The following TDG variants were observed in gnomAD, a reference collection of about 807,000 sequenced individuals.
TDG encodes thymine DNA glycosylase, also known as G/T mismatch-specific thymine DNA glycosylase.
TDG carries 23 observed loss-of-function variants against 46.1 expected under a neutral mutation model. The ratio of observed to expected loss-of-function variants is 0.50; its 90% confidence interval spans 0.36 to 0.71. The LOEUF (loss-of-function observed/expected upper bound fraction) is 0.71, where lower values mean the gene tolerates loss of function less well. TDG is among the 30% of genes least tolerant of loss of function. The probability of loss-of-function intolerance (pLI) is 0.00; values close to 1 mark genes in which losing one functional copy is unlikely to be tolerated. For missense variants in TDG, 304 were observed against 486.7 expected, an observed-to-expected ratio of 0.62 and a Z score of 3.53; for synonymous variants, 115 against 161.3, an observed-to-expected ratio of 0.71 and a Z score of 2.18.
intron 1 of TDG, among the ~76,000 whole-genome samples, chr12:103,969,622 A>G (rs1871205138): frequency 6.6e-6 from 1 of 152,246 alleles, no homozygotes; most frequent in Non-Finnish European, 1.5e-5. Context: ...ATGGTGAATC[A>G]TCTTTTACAA....
In TDG at chr12:103,982,799, G is replaced by A. The variant is rs1194845252; in HGVS notation, c.479G>A (p.Trp160Ter). Residue 160 changes from tryptophan to a stop codon, truncating the protein, a stop_gained and splice_region_variant, in exon 5 of 10, where the codon TGG (tryptophan) becomes TAG (stop). Transcript: ENST00000392872. LOFTEE classifies it high-confidence loss of function. ...HHYPGPGNHF[W>*]KCLFMSGLSE... ...AAATAACTGAATTTTCATTTTACAG[G>A]GAAGTGTTTGTTTATGTCAGGGCTC... is the stretch of plus-strand genomic sequence containing the variant. The A allele has an allele frequency of 2.5e-6, 4 of 1,611,690 alleles. No homozygotes were observed. Among genetic ancestry groups the A allele is most frequent in the Non-Finnish European group, 3.4e-6 (4 of 1,179,688 alleles).
chr12:103,988,429 C>A lies in TDG; in HGVS notation c.*1339C>A, dbSNP rs1156374047. 6.5e-6 allele frequency: 1 copy of A among 152,696 alleles called. No homozygotes were observed. The highest frequency in any genetic ancestry group is 6.5e-5 in the Admixed American group (1 of 15,274). The allele number at this position is 152,696 out of a possible 1,614,324, so 9.5% of individuals were successfully genotyped here. On this transcript the variant is annotated 3_prime_UTR_variant, in exon 10 of 10. Transcript: ENST00000392872. ...GTGGCTATGATGGATTTTATTTTTTCCTAGGTCAAGCTGTGTAAAAGTCAT... is the reference window on the plus strand; with the variant it reads ...GTGGCTATGATGGATTTTATTTTTTACTAGGTCAAGCTGTGTAAAAGTCAT...
In TDG at chr12:103,985,174, C is replaced by T. The variant is rs970990111; in HGVS notation, c.964+254C>T. Among the ~76,000 whole-genome samples, 335 of 93,398 alleles carry T rather than the reference C, an allele frequency of 3.6e-3. 2 individuals carry two copies. The highest frequency in any genetic ancestry group is 0.013 in the Admixed American group (107 of 8,368). 61.3% of individuals were successfully genotyped at this position (93,398 alleles called of 152,430 possible). A position where few individuals can be genotyped will look rare whatever the true frequency, so the allele number is the denominator to read the frequency against. On this transcript the variant is annotated intron_variant, in intron 8 of 9. Transcript: ENST00000392872. ...GTCTATATATAGACACATACACACACACACACACACACACACACACACACA... is the reference window on the plus strand; with the variant it reads ...GTCTATATATAGACACATACACACATACACACACACACACACACACACACA...
At chr12:103,966,106 T>G in intron 1 of TDG, 46 bp downstream of exon 1, 4 of 1,494,194 alleles carry the variant, frequency 2.7e-6, no homozygotes, top group Non-Finnish European at 3.6e-6. Flanking sequence ...CCCTCACTGC[T>G]GGGCAGGCTG....
chr12:103,973,017 A>T, intron 1 of TDG: 1 of 702,420 alleles, frequency 1.4e-6, no homozygotes, highest in Non-Finnish European at 2.6e-6. Context: ...AGTAGTAGTA[A>T]GAAACATGGG....
chr12:103,987,221 T>A lies in TDG; in HGVS notation c.*131T>A. The A allele has an allele frequency of 7.2e-7, 1 of 1,379,364 alleles. No homozygotes were observed. Among genetic ancestry groups the A allele is most frequent in the Non-Finnish European group, 9.9e-7 (1 of 1,012,334 alleles). 85.4% of individuals were successfully genotyped at this position (1,379,364 alleles called of 1,614,324 possible). Reference sequence around the variant, plus strand: ...GTGGTGTAATTGTAATGTAGAACAGTTGTGTGGTAGTGTGAACCGTATGAA... The same window carrying A: ...GTGGTGTAATTGTAATGTAGAACAGATGTGTGGTAGTGTGAACCGTATGAA... On this transcript the variant is annotated 3_prime_UTR_variant, in exon 10 of 10. Coordinates refer to ENST00000392872, the MANE Select transcript of TDG (RefSeq NM_003211.6).
In TDG at chr12:103,966,079, CCGCCCCTCCCTTG is replaced by C. The variant is rs1870994916; in HGVS notation, c.23+28_23+40del. 7 of 1,560,802 alleles carry C rather than the reference CCGCCCCTCCCTTG, an allele frequency of 4.5e-6. No homozygotes were observed. Among genetic ancestry groups the C allele is most frequent in the African/African-American group, 2.8e-5 (2 of 72,376 alleles). Reference sequence around the variant, plus strand: ...CGGGCAGGTAATACCGGGGCCAGCGCCGCCCCTCCCTTGCGCCCCTCACTGCTGGGCAGGCTGG... The same window carrying C: ...CGGGCAGGTAATACCGGGGCCAGCGCCGCCCCTCACTGCTGGGCAGGCTGG... On this transcript the variant is annotated intron_variant, in intron 1 of 9. Transcript: ENST00000392872.
chr12:103,979,369 G>T (rs371275509), intron 2 of TDG, among the ~76,000 whole-genome samples: 1 of 152,100 alleles, frequency 6.6e-6, no homozygotes, highest in African/African-American at 2.4e-5. Flanking sequence ...CTCCCAAAGT[G>T]CTGGGATTAC....
At chr12:103,973,061 G>A in intron 1 of TDG, 1 of 688,328 alleles carries the variant, frequency 1.5e-6, no homozygotes. Flanking sequence ...CTGACCATGT[G>A]ACAGAGTAAA....
chr12:103,977,154 G>A, intron 2 of TDG, 94 bp downstream of exon 2: 1 of 1,511,904 alleles, frequency 6.6e-7, no homozygotes, highest in East Asian at 2.3e-5. Flanking sequence ...CTATTTTAGT[G>A]TTAAAAAGTC....
In TDG at chr12:103,987,959, C is replaced by T. The variant is rs901778560; in HGVS notation, c.*869C>T. ...AGATGCTGGAGATATTTGATACTCT[C>T]ATTTAAACTGGTGCTTTATGTACAT... On this transcript the variant is annotated 3_prime_UTR_variant, in exon 10 of 10. Coordinates refer to ENST00000392872, the MANE Select transcript of TDG (RefSeq NM_003211.6). 2 of 152,686 alleles carry T rather than the reference C, an allele frequency of 1.3e-5. No homozygotes were observed. The highest frequency in any genetic ancestry group is 4.1e-4 in the South Asian group (2 of 4,820). 9.5% of individuals were successfully genotyped at this position (152,686 alleles called of 1,614,324 possible).
rs1555275234 is a variant in TDG at position 103,985,208 on chromosome 12, C to CAT, written c.964+289_964+290dup. On this transcript the variant is annotated intron_variant, in intron 8 of 9. Transcript: ENST00000392872. ...ACACACACACACACACACACACACA[C>CAT]ATTACAGAAAGTATCTTATGGATTT... Among the ~76,000 whole-genome samples the CAT allele has an allele frequency of 2.6e-4, 38 of 147,994 alleles. 1 individual carries two copies. Among genetic ancestry groups the CAT allele is most frequent in the African/African-American group, 9.1e-4 (36 of 39,474 alleles).
intron 4 of TDG, among the ~76,000 whole-genome samples, chr12:103,981,886 C>T (rs763838976): frequency 6.6e-6 from 1 of 152,128 alleles, no homozygotes; most frequent in African/African-American, 2.4e-5. Flanking sequence ...CTGTGGTGCA[C>T]ACCTGTAGTT....
At chr12:103,978,410 T>G (rs1379555614) in intron 2 of TDG, among the ~76,000 whole-genome samples, 1 of 152,160 alleles carries the variant, frequency 6.6e-6, no homozygotes, top group African/African-American at 2.4e-5. Flanking sequence ...AAGTTAATGA[T>G]TTTCTCCAGT....
chr12:103,979,760 C>CT (rs1283686208), intron 2 of TDG, 71 bp from the exon 3 acceptor site: 6 of 1,516,914 alleles, frequency 4.0e-6, no homozygotes, highest in African/African-American at 1.4e-5. Flanking sequence ...AGTTGGGTAA[C>CT]TTTTCTGGGA....
In TDG at chr12:103,983,336, G is replaced by T; in HGVS notation, c.739G>T (p.Val247Phe). 6.3e-7 allele frequency: 1 copy of T among 1,598,464 alleles called. No homozygotes were observed. Among genetic ancestry groups the T allele is most frequent in the Non-Finnish European group, 8.5e-7 (1 of 1,175,364 alleles). Residue 247 changes from valine to phenylalanine, a missense_variant, in exon 7 of 10, where the codon GTT (valine) becomes TTT (phenylalanine). Physicochemically the swap from Val to Phe is conservative, Grantham distance 50. Transcript: ENST00000392872. ...TAGTAAAGAAGTTTTTGGAGTAAAG[G>T]TTAAGAACTTGGAATTTGGGCTTCA... is the stretch of plus-strand genomic sequence containing the variant. ...IFSKEVFGVK[V>F]KNLEFGLQPH... is the part of the protein sequence containing the mutation.
At chr12:103,970,704 G>T (rs1871248976) in intron 1 of TDG, among the ~76,000 whole-genome samples, 1 of 149,716 alleles carries the variant, frequency 6.7e-6, no homozygotes, top group South Asian at 2.1e-4. Context: ...CTATGATCAT[G>T]CCACTGCACT....
intron 5 of TDG, 27 bp from the exon 6 acceptor site, chr12:103,983,109 T>C (rs778483964): frequency 7.1e-6 from 11 of 1,558,846 alleles, no homozygotes; most frequent in African/African-American, 1.4e-5. Context: ...TATTTATATT[T>C]TTGACTACTT....
At chr12:103,969,000 A>G (rs1247553954) in intron 1 of TDG, among the ~76,000 whole-genome samples, 3 of 152,190 alleles carry the variant, frequency 2.0e-5, no homozygotes, top group Non-Finnish European at 4.4e-5. Flanking sequence ...TGGTGGCATA[A>G]CTAGTGACCA....
Sources: gnomAD v4.1 joint callset for allele counts (sites outside exome capture counted in the v4.1 genomes callset) on GRCh38, gnomAD v4.1.1 for gene constraint, MANE v1.5 for transcripts, NCBI Gene and HGNC (gene_info 2026-07-23, HGNC 2026-07-21) for gene names.